The following SLC9A9 variants were observed in gnomAD, a reference collection of about 807,000 sequenced individuals.
The protein encoded by SLC9A9 is solute carrier family 9 member A9, also known as sodium/hydrogen exchanger 9.
A neutral mutation model predicts 77.8 loss-of-function variants in SLC9A9; 62 were observed. The ratio of observed to expected loss-of-function variants is 0.80; its 90% CI spans 0.65 to 0.98. The LOEUF (loss-of-function observed/expected upper bound fraction) is 0.98, where lower values mean the gene tolerates loss of function less well. Ranked by LOEUF, SLC9A9 falls within the 50% of genes least tolerant of loss-of-function variation. The probability of loss-of-function intolerance (pLI) is 0.00; values close to 1 mark genes in which losing one functional copy is unlikely to be tolerated. For synonymous variants in SLC9A9, 320 were observed against 283.5 expected, an observed-to-expected ratio of 1.13 and a Z score of -1.29; for missense variants, 775 against 774.9, an observed-to-expected ratio of 1.00 and a Z score of 0.00.
intron 12 of SLC9A9, among the ~76,000 whole-genome samples, chr3:143,410,284 G>T (rs898385861): frequency 6.6e-6 from 1 of 152,136 alleles, no homozygotes; most frequent in Non-Finnish European, 1.5e-5. Flanking sequence ...ACAAAAATCT[G>T]GGGTAAGCAG....
chr3:143,737,028 T>C (rs1371721004), intron 4 of SLC9A9, among the ~76,000 whole-genome samples: 2 of 152,066 alleles, frequency 1.3e-5, no homozygotes, highest in African/African-American at 4.8e-5. Flanking sequence ...ATTCTTTGAT[T>C]AAAATACCAA....
At chr3:143,471,315 C>G (rs146049050) in intron 11 of SLC9A9, among the ~76,000 whole-genome samples, 5 of 152,086 alleles carry the variant, frequency 3.3e-5, no homozygotes, top group East Asian at 1.9e-4. Flanking sequence ...ACATTTGGAG[C>G]CTAGATAAAT....
At chr3:143,309,103 C>T (rs1406628421) in intron 14 of SLC9A9, among the ~76,000 whole-genome samples, 1 of 152,176 alleles carries the variant, frequency 6.6e-6, no homozygotes, top group Non-Finnish European at 1.5e-5. Context: ...TCTATTTGGA[C>T]CTCAAGTTCC....
intron 13 of SLC9A9, among the ~76,000 whole-genome samples, chr3:143,369,972 G>A (rs1019075544): frequency 3.3e-5 from 5 of 152,210 alleles, no homozygotes; most frequent in Admixed American, 6.5e-5. Context: ...ACATGGAAGC[G>A]AATCCTCTAG....
At chr3:143,551,032 A>G (rs766578821) in intron 9 of SLC9A9, among the ~76,000 whole-genome samples, 10 of 152,196 alleles carry the variant, frequency 6.6e-5, no homozygotes, top group Non-Finnish European at 1.3e-4. Context: ...ATACCAGAGT[A>G]TGGTAGCCCC....
intron 14 of SLC9A9, among the ~76,000 whole-genome samples, chr3:143,343,103 T>C (rs577652250): frequency 2.5e-4 from 38 of 152,350 alleles, no homozygotes; most frequent in African/African-American, 8.2e-4. Flanking sequence ...CTGAAATGAC[T>C]GATATGGGCA....
At chr3:143,375,992 G>A (rs1184210677) in intron 13 of SLC9A9, among the ~76,000 whole-genome samples, 1 of 152,110 alleles carries the variant, frequency 6.6e-6, no homozygotes, top group African/African-American at 2.4e-5. Flanking sequence ...AGACTGGCTG[G>A]CAACTCAACC....
intron 12 of SLC9A9, among the ~76,000 whole-genome samples, chr3:143,402,669 T>C (rs2033889633): frequency 6.6e-6 from 1 of 151,926 alleles, no homozygotes; most frequent in South Asian, 2.1e-4. Context: ...AGTATACTAC[T>C]CCAGATCTCT....
At chr3:143,545,202 G>A (rs1279306286) in intron 9 of SLC9A9, among the ~76,000 whole-genome samples, 1 of 152,048 alleles carries the variant, frequency 6.6e-6, no homozygotes, top group East Asian at 1.9e-4. Context: ...TATCCTCCAT[G>A]AAATCTGCGT....
chr3:143,587,731 G>A (rs1211500742), intron 6 of SLC9A9, among the ~76,000 whole-genome samples: 1 of 152,236 alleles, frequency 6.6e-6, no homozygotes, highest in Non-Finnish European at 1.5e-5. Context: ...TACAGTGGAG[G>A]AAGGTGGGTG....
At chr3:143,537,991 A>C (rs1160368054) in intron 9 of SLC9A9, among the ~76,000 whole-genome samples, 1 of 152,182 alleles carries the variant, frequency 6.6e-6, no homozygotes, top group Non-Finnish European at 1.5e-5. Context: ...TCTAAATCCC[A>C]ATTATGGATG....
intron 11 of SLC9A9, among the ~76,000 whole-genome samples, chr3:143,470,942 T>A (rs943249430): frequency 6.6e-6 from 1 of 152,140 alleles, no homozygotes; most frequent in African/African-American, 2.4e-5. Context: ...ATATAGAACA[T>A]CTATATTTAC....
At chr3:143,565,571 G>A (rs181675768) in intron 8 of SLC9A9, among the ~76,000 whole-genome samples, 1 of 152,274 alleles carries the variant, frequency 6.6e-6, no homozygotes, top group East Asian at 1.9e-4. Flanking sequence ...TATGCGAGAA[G>A]ACATACTTTA....
chr3:143,361,655 C>T (rs1232302502), intron 14 of SLC9A9, among the ~76,000 whole-genome samples: 1 of 152,154 alleles, frequency 6.6e-6, no homozygotes, highest in Non-Finnish European at 1.5e-5. Flanking sequence ...AATGAATGTG[C>T]AGGAGGATAA....
intron 4 of SLC9A9, among the ~76,000 whole-genome samples, chr3:143,709,779 T>C (rs776092111): frequency 3.0e-4 from 46 of 152,246 alleles, no homozygotes; most frequent in Middle Eastern, 3.4e-3. Flanking sequence ...AAGCTCCTCA[T>C]AGTAGGAAAT....
chr3:143,725,754 G>T (rs572047157), intron 4 of SLC9A9, among the ~76,000 whole-genome samples: 1 of 146,218 alleles, frequency 6.8e-6, no homozygotes, highest in Non-Finnish European at 1.5e-5. Flanking sequence ...GGGGAGGGGG[G>T]AGAGATAGCA....
chr3:143,757,172 C>T (rs1377655147), intron 4 of SLC9A9, among the ~76,000 whole-genome samples: 1 of 151,980 alleles, frequency 6.6e-6, no homozygotes. Flanking sequence ...CAAACCAATA[C>T]CAGGGGGAAT....
At chr3:143,384,315 G>C (rs975468198) in intron 12 of SLC9A9, among the ~76,000 whole-genome samples, 1 of 152,096 alleles carries the variant, frequency 6.6e-6, no homozygotes, top group Non-Finnish European at 1.5e-5. Flanking sequence ...CTGTGTGGTG[G>C]ATCAGAGCCC....
At position 143,825,733 on chromosome 3, in the gene SLC9A9, G is replaced by A. The variant is rs138999075; in HGVS notation, c.378+6286C>T. On this transcript the variant is annotated intron_variant, in intron 2 of 15. Coordinates refer to ENST00000316549, the MANE Select transcript of SLC9A9 (RefSeq NM_173653.4). Reference sequence around the variant, plus strand: ...GAAGTGAAGACTTGGCAAAATTTTCGCTGGGTAGTTTCCTTTGACTTTTTG... The same window carrying A: ...GAAGTGAAGACTTGGCAAAATTTTCACTGGGTAGTTTCCTTTGACTTTTTG... Among the ~76,000 whole-genome samples, 6 of 152,250 alleles carry A rather than the reference G, an allele frequency of 3.9e-5. No individual in the cohort carries two copies. In the East Asian group the frequency reaches 5.8e-4, roughly 15 times the overall value.
Sources: gnomAD v4.1 joint callset for allele counts (sites outside exome capture counted in the v4.1 genomes callset) on GRCh38, gnomAD v4.1.1 for gene constraint, MANE v1.5 for transcripts, NCBI Gene and HGNC (gene_info 2026-07-23, HGNC 2026-07-21) for gene names.